Variants in CLIC2 observed in about 807,000 individuals in gnomAD.
CLIC2 encodes the protein chloride intracellular channel protein 2.
A neutral mutation model predicts 14.8 loss-of-function variants in CLIC2; 9 were observed. That is an observed-to-expected ratio of 0.61 (90% CI 0.37 to 1.06). The LOEUF (loss-of-function observed/expected upper bound fraction) is 1.06, where lower values mean the gene tolerates loss of function less well. Ranked by LOEUF, CLIC2 falls within the 50% of genes least tolerant of loss-of-function variation. CLIC2 has a pLI of 0.01. For missense variants in CLIC2, 148 were observed against 181.4 expected, an observed-to-expected ratio of 0.82 and a Z score of 1.06; for synonymous variants, 61 against 66.3, an observed-to-expected ratio of 0.92 and a Z score of 0.39.
chrX:155,309,829 C>A (rs1209199492), intron 1 of CLIC2, among the ~76,000 whole-genome samples: 3 of 111,563 alleles, frequency 2.7e-5, no homozygotes. Context: ...GGTGGGGGCA[C>A]AGCCAAACCA....
intron 1 of CLIC2, among the ~76,000 whole-genome samples, chrX:155,330,994 G>A (rs180839834): frequency 9.0e-6 from 1 of 111,230 alleles, no homozygotes; most frequent in African/African-American, 3.3e-5. Flanking sequence ...TCAATTTTTT[G>A]ACAAAATTTT....
intron 1 of CLIC2, chrX:155,309,488 G>A: frequency 4.8e-6 from 1 of 207,582 alleles, no homozygotes; most frequent in Non-Finnish European, 9.0e-6. Flanking sequence ...GTATTAGTCT[G>A]TTTCCATGCT....
rs1557323112 is a variant in CLIC2 at position 155,334,429 on chromosome X, T to G, written c.-2A>C. ...AGTGCCGGGCCGCAGGCCTGACATC[T>G]TTGTCTTTACTGCCAGTTGTCAGCC... On this transcript the variant is annotated 5_prime_UTR_variant, in exon 1 of 6. Coordinates refer to ENST00000369449, the MANE Select transcript of CLIC2 (RefSeq NM_001289.6). 8.3e-7 allele frequency: 1 copy of G among 1,205,944 alleles called. No individual in the cohort carries two copies. Among genetic ancestry groups the G allele is most frequent in the East Asian group, 3.0e-5 (1 of 33,814 alleles).
rs1441673866 is a variant in CLIC2, at chrX:155,318,271, T to C, written c.57+16100A>G. ...GGTAAAGAGGAAGTCAAACTGTTCC[T>C]GTTTGCTGATGATATGTTTGTATAC... is the stretch of plus-strand genomic sequence containing the variant. On this transcript the variant is annotated intron_variant, in intron 1 of 5. Coordinates refer to ENST00000369449, the MANE Select transcript of CLIC2 (RefSeq NM_001289.6). 4.5e-5 allele frequency among the ~76,000 whole-genome samples: 5 copies of C among 111,905 alleles called. No homozygotes were observed. In the East Asian group the frequency reaches 1.4e-3, roughly 31 times the overall value.
At chrX:155,296,009 A>G (rs1176343872) in intron 3 of CLIC2, among the ~76,000 whole-genome samples, 2 of 112,080 alleles carry the variant, frequency 1.8e-5, no homozygotes, top group African/African-American at 6.5e-5. Flanking sequence ...GAATTACAAA[A>G]AAAGAATACT....
At chrX:155,297,330 A>T (rs1173598427) in intron 3 of CLIC2, among the ~76,000 whole-genome samples, 1 of 110,957 alleles carries the variant, frequency 9.0e-6, no homozygotes, top group Non-Finnish European at 1.9e-5. Flanking sequence ...AGGAGAAGGG[A>T]AGATGAAGAG....
chrX:155,291,189 T>C, intron 3 of CLIC2: 1 of 989,163 alleles, frequency 1.0e-6, no homozygotes, highest in East Asian at 3.1e-5. Context: ...CAGTTGTTTG[T>C]CCTCCAACAG....
intron 3 of CLIC2, among the ~76,000 whole-genome samples, chrX:155,297,329 G>C (rs1557318443): frequency 9.0e-6 from 1 of 110,795 alleles, no homozygotes; most frequent in Non-Finnish European, 1.9e-5. Flanking sequence ...GAGGAGAAGG[G>C]AAGATGAAGA....
intron 1 of CLIC2, among the ~76,000 whole-genome samples, chrX:155,309,866 A>G (rs2075067947): frequency 9.0e-6 from 1 of 111,400 alleles, no homozygotes; most frequent in African/African-American, 3.3e-5. Flanking sequence ...GCCCCTCCCA[A>G]ATCTCATGTC....
intron 1 of CLIC2, among the ~76,000 whole-genome samples, chrX:155,306,808 C>G (rs1004559558): frequency 1.8e-5 from 2 of 110,965 alleles, no homozygotes; most frequent in Non-Finnish European, 3.8e-5. Context: ...CACTCACTAT[C>G]ATGAGGGCAG....
chrX:155,333,960 C>G (rs1284666373), intron 1 of CLIC2, among the ~76,000 whole-genome samples: 2 of 110,538 alleles, frequency 1.8e-5, no homozygotes, highest in Non-Finnish European at 3.8e-5. Context: ...CCCAGTCAGG[C>G]CTTCCAAAAC....
chrX:155,284,842 C>T (rs1201053733), intron 3 of CLIC2, among the ~76,000 whole-genome samples: 1 of 111,947 alleles, frequency 8.9e-6, no homozygotes, highest in African/African-American at 3.3e-5. Flanking sequence ...ATATAAGCTG[C>T]CATTTTTAAG....
chrX:155,292,955 C>G, intron 3 of CLIC2: 1 of 1,064,903 alleles, frequency 9.4e-7, no homozygotes, highest in Non-Finnish European at 1.3e-6. Flanking sequence ...TACCCAGTGG[C>G]TCTCATCCCC....
intron 1 of CLIC2, among the ~76,000 whole-genome samples, chrX:155,303,552 T>C (rs1301204887): frequency 1.6e-4 from 13 of 83,669 alleles, no homozygotes; most frequent in African/African-American, 1.7e-4. Flanking sequence ...AGTCTGTGTC[T>C]TTTAATTGGA....
At chrX:155,285,754 A>T (rs1569561208) in intron 3 of CLIC2, among the ~76,000 whole-genome samples, 1 of 111,670 alleles carries the variant, frequency 9.0e-6, no homozygotes, top group Non-Finnish European at 1.9e-5. Flanking sequence ...ATCCCTAATG[A>T]AATTACGGAG....
intron 1 of CLIC2, among the ~76,000 whole-genome samples, chrX:155,321,673 T>A (rs1213491308): frequency 1.0e-5 from 1 of 99,487 alleles, no homozygotes; most frequent in Non-Finnish European, 2.1e-5. Context: ...GCAAAATAAC[T>A]AGCATCATAA....
intron 1 of CLIC2, 146 bp downstream of exon 1, chrX:155,334,225 G>T: frequency 1.9e-6 from 1 of 513,889 alleles, no homozygotes; most frequent in Non-Finnish European, 3.5e-6. Context: ...ACACACCCGG[G>T]CATTCTTCTA....
chrX:155,312,361 C>T (rs1271027179), intron 1 of CLIC2, among the ~76,000 whole-genome samples: 3 of 111,836 alleles, frequency 2.7e-5, no homozygotes, highest in African/African-American at 9.8e-5. Context: ...GGAAAGGGGT[C>T]CATTTTAAAC....
At chrX:155,330,947 G>A (rs1380671707) in intron 1 of CLIC2, among the ~76,000 whole-genome samples, 4 of 110,852 alleles carry the variant, frequency 3.6e-5, no homozygotes, top group African/African-American at 1.3e-4. Flanking sequence ...TCTATTATGC[G>A]TAGAATTATT....
Sources: gnomAD v4.1 joint callset for allele counts (sites outside exome capture counted in the v4.1 genomes callset) on GRCh38, gnomAD v4.1.1 for gene constraint, MANE v1.5 for transcripts, NCBI Gene and HGNC (gene_info 2026-07-23, HGNC 2026-07-21) for gene names.